REV1: variants seen among roughly 807,000 people sequenced by gnomAD.
The protein encoded by REV1 is translesion synthesis protein REV1.
A neutral mutation model predicts 137.4 loss-of-function variants in REV1; 42 were observed. That is an observed-to-expected ratio of 0.31 (90% CI 0.24 to 0.40). The LOEUF is 0.40. REV1 is among the 10% of genes least tolerant of loss of function. The pLI, the probability that REV1 is intolerant of heterozygous loss-of-function variation, is 1.00. For missense variants in REV1, 1,282 were observed against 1,490.1 expected, an observed-to-expected ratio of 0.86 and a Z score of 2.30; for synonymous variants, 524 against 519.2, an observed-to-expected ratio of 1.01 and a Z score of -0.12.
chr2:99,442,763 A>G (rs189069536), intron 4 of REV1, among the ~76,000 whole-genome samples: 5 of 152,308 alleles, frequency 3.3e-5, no homozygotes, highest in East Asian at 1.9e-4. Context: ...AATCTCATCT[A>G]TTAAGGTTTT....
intron 12 of REV1, among the ~76,000 whole-genome samples, chr2:99,417,984 C>A (rs540879119): frequency 6.6e-6 from 1 of 152,120 alleles, no homozygotes; most frequent in Non-Finnish European, 1.5e-5. Flanking sequence ...ACTAATACAT[C>A]GTTTTAAGTT....
Position 99,412,977 on chromosome 2 carries a change from T to C in REV1, c.1952-26A>G, listed in dbSNP as rs747208883. 11 of 1,516,972 alleles carry C rather than the reference T, an allele frequency of 7.3e-6. No homozygotes were observed. The African/African-American group carries it at 1.4e-4, about 19-fold the overall frequency. The allele number at this position is 1,516,972 out of a possible 1,614,324, so 94.0% of individuals were successfully genotyped here. On this transcript the variant is annotated intron_variant, in intron 12 of 22. Transcript: ENST00000258428. ...CTAGGAAAGGGAATATAGTTAAGTATGCAGAATAAGCTACTAATAACAAGT... is the reference window on the plus strand; with the variant it reads ...CTAGGAAAGGGAATATAGTTAAGTACGCAGAATAAGCTACTAATAACAAGT...
intron 8 of REV1, among the ~76,000 whole-genome samples, chr2:99,430,231 A>G (rs1384188726): frequency 2.0e-5 from 3 of 152,150 alleles, no homozygotes; most frequent in Admixed American, 6.5e-5. Flanking sequence ...AAAATATCCT[A>G]TAACACACAG....
At chr2:99,478,448 C>CA (rs1371178020) in intron 1 of REV1, among the ~76,000 whole-genome samples, 1 of 152,000 alleles carries the variant, frequency 6.6e-6, no homozygotes, top group Non-Finnish European at 1.5e-5. Flanking sequence ...CGAAGGAACA[C>CA]AAAAGAATGT....
At chr2:99,407,111 A>T (rs1676432609) in intron 15 of REV1, among the ~76,000 whole-genome samples, 1 of 38,518 alleles carries the variant, frequency 2.6e-5, no homozygotes, top group African/African-American at 1.0e-4. Context: ...TTTTTTTGAG[A>T]CAGAGCCTCA....
intron 8 of REV1, among the ~76,000 whole-genome samples, chr2:99,431,412 T>C (rs1306632793): frequency 6.6e-6 from 1 of 152,134 alleles, no homozygotes; most frequent in Non-Finnish European, 1.5e-5. Context: ...ATTTTAATAG[T>C]CCATTCATCT....
chr2:99,463,474 C>A (rs75580983), intron 2 of REV1, among the ~76,000 whole-genome samples: 1 of 152,098 alleles, frequency 6.6e-6, no homozygotes, highest in African/African-American at 2.4e-5. Context: ...GAGCTGAGAT[C>A]GTGCTATTGC....
chr2:99,445,662 A>AATT (rs1682106864), intron 4 of REV1, among the ~76,000 whole-genome samples: 1 of 152,224 alleles, frequency 6.6e-6, no homozygotes. Flanking sequence ...CTGTGACAAA[A>AATT]ATTTTTTAAA....
At chr2:99,444,021 C>T (rs60335031) in intron 4 of REV1, among the ~76,000 whole-genome samples, 65,487 of 151,874 alleles carry the variant, frequency 0.43, 14,359 homozygotes, top group Admixed American at 0.58. Flanking sequence ...GGGGTTTCAC[C>T]GTGTTAGCCA....
chr2:99,485,693 C>A (rs1360471415), intron 1 of REV1, among the ~76,000 whole-genome samples: 1 of 152,212 alleles, frequency 6.6e-6, no homozygotes, highest in African/African-American at 2.4e-5. Context: ...CACATTAAGA[C>A]CAAACACCAG....
chr2:99,460,941 C>A (rs1372056058), intron 3 of REV1, among the ~76,000 whole-genome samples: 2 of 152,182 alleles, frequency 1.3e-5, no homozygotes, highest in Admixed American at 1.3e-4. Context: ...CACAAAGAAT[C>A]TCTTTTTCTT....
At chr2:99,402,600 G>T in intron 21 of REV1, 44 bp downstream of exon 21, 2 of 1,558,786 alleles carry the variant, frequency 1.3e-6, no homozygotes, top group South Asian at 1.1e-5. Flanking sequence ...ATCATGAGAC[G>T]ACTACATCTC....
At chr2:99,474,783 T>G (rs1305055820) in intron 1 of REV1, among the ~76,000 whole-genome samples, 1 of 151,932 alleles carries the variant, frequency 6.6e-6, no homozygotes, top group African/African-American at 2.4e-5. Context: ...GAACCTGTAA[T>G]CCCAGCTACT....
intron 1 of REV1, among the ~76,000 whole-genome samples, chr2:99,486,734 GCCA>G (rs1255202804): frequency 6.6e-6 from 1 of 152,088 alleles, no homozygotes; most frequent in African/African-American, 2.4e-5. Flanking sequence ...TGATTCCAGA[GCCA>G]ATATTTAAAT....
intron 1 of REV1, among the ~76,000 whole-genome samples, chr2:99,486,554 T>G (rs1467956677): frequency 6.6e-6 from 1 of 152,062 alleles, no homozygotes; most frequent in African/African-American, 2.4e-5. Flanking sequence ...TACCCTGTTC[T>G]AAGCACTTTA....
intron 8 of REV1, among the ~76,000 whole-genome samples, chr2:99,432,925 T>G (rs1559338241): frequency 6.6e-6 from 1 of 152,166 alleles, no homozygotes; most frequent in Non-Finnish European, 1.5e-5. Flanking sequence ...CTAAGGAATG[T>G]GAGCTTGTCA....
intron 3 of REV1, among the ~76,000 whole-genome samples, chr2:99,456,197 G>A (rs1198860091): frequency 6.6e-6 from 1 of 152,144 alleles, no homozygotes; most frequent in African/African-American, 2.4e-5. Flanking sequence ...ACATTCTGAT[G>A]TACAAATACA....
chr2:99,474,586 T>C (rs1685765320), intron 1 of REV1, among the ~76,000 whole-genome samples: 1 of 152,160 alleles, frequency 6.6e-6, no homozygotes, highest in African/African-American at 2.4e-5. Context: ...TTAAGCTCCA[T>C]CTAGACCCCA....
At chr2:99,457,577 C>T (rs1275231110) in intron 3 of REV1, among the ~76,000 whole-genome samples, 3 of 148,332 alleles carry the variant, frequency 2.0e-5, no homozygotes, top group Admixed American at 7.0e-5. Flanking sequence ...CCCAGCTACT[C>T]GGGTAGCTGA....
Sources: allele counts gnomAD v4.1 joint callset (sites outside exome capture counted in the v4.1 genomes callset), GRCh38; gene constraint gnomAD v4.1.1; transcripts MANE v1.5; gene names NCBI Gene and HGNC (gene_info 2026-07-23, HGNC 2026-07-21).